Variants in INPP5A observed in about 807,000 individuals in gnomAD.
INPP5A encodes 43 kDa inositol polyphosphate 5-phophatase.
A neutral mutation model predicts 65.2 loss-of-function variants in INPP5A; 14 were observed. The ratio of observed to expected loss-of-function variants is 0.21; its 90% CI spans 0.14 to 0.34. The LOEUF (loss-of-function observed/expected upper bound fraction) is 0.34. Among genes scored for constraint, INPP5A ranks in the 10% least tolerant of loss-of-function variants. The probability of loss-of-function intolerance (pLI) is 1.00; values close to 1 mark genes in which losing one functional copy is unlikely to be tolerated. For missense variants in INPP5A, 431 were observed against 545.6 expected (o/e 0.79, Z 2.09); for synonymous variants, 207 against 208.3 (o/e 0.99, Z 0.05).
At chr10:132,734,459 T>C (rs1464277457) in intron 9 of INPP5A, among the ~76,000 whole-genome samples, 1 of 152,252 alleles carries the variant, frequency 6.6e-6, no homozygotes, top group Non-Finnish European at 1.5e-5. Flanking sequence ...CAGCATGGCC[T>C]GGGCAGAGTG....
In INPP5A at chr10:132,651,162, T is replaced by TGGACGCAGCCACCGACAGAAGGCACC. The variant is rs1324229960; in HGVS notation, c.306+657_306+658insGGACGCAGCCACCGACAGAAGGCACC. On this transcript the variant is annotated intron_variant, in intron 4 of 15. Transcript: ENST00000368594. This position sits in a 1 kb window ranked among gnomAD's most constrained non-coding sequence, Gnocchi z 5.0. Reference sequence around the variant, plus strand: ...CTCAGAGGAGGGGACACTCTGCAGGTCGTGAATAACTTGCTGTTGGTTCAG... The same window carrying TGGACGCAGCCACCGACAGAAGGCACC: ...CTCAGAGGAGGGGACACTCTGCAGGTGGACGCAGCCACCGACAGAAGGCACCCGTGAATAACTTGCTGTTGGTTCAG... 6.6e-6 allele frequency among the ~76,000 whole-genome samples: 1 copy of TGGACGCAGCCACCGACAGAAGGCACC among 152,164 alleles called. No individual in the cohort carries two copies. Among genetic ancestry groups the TGGACGCAGCCACCGACAGAAGGCACC allele is most frequent in the Non-Finnish European group, 1.5e-5 (1 of 68,014 alleles).
intron 1 of INPP5A, among the ~76,000 whole-genome samples, chr10:132,602,012 C>A (rs554670706): frequency 6.6e-6 from 1 of 152,248 alleles, no homozygotes; most frequent in South Asian, 2.1e-4. Flanking sequence ...AAAAGAAAGT[C>A]ATTGGGATTT....
intron 4 of INPP5A, among the ~76,000 whole-genome samples, chr10:132,652,011 T>C (rs907354289): frequency 6.6e-6 from 1 of 152,140 alleles, no homozygotes; most frequent in Non-Finnish European, 1.5e-5. Flanking sequence ...GCTCCTCCTG[T>C]CAGCCTTCCT....
chr10:132,546,419 C>G lies in INPP5A; in HGVS notation c.75+8248C>G, dbSNP rs944601417. Among the ~76,000 whole-genome samples the G allele has an allele frequency of 1.3e-5, 2 of 152,014 alleles. No individual in the cohort carries two copies. Among genetic ancestry groups the G allele is most frequent in the Non-Finnish European group, 2.9e-5 (2 of 68,008 alleles). On this transcript the variant is annotated intron_variant, in intron 1 of 15. Coordinates refer to ENST00000368594, the MANE Select transcript of INPP5A (RefSeq NM_005539.5). This position sits in a 1 kb window ranked among gnomAD's most constrained non-coding sequence, Gnocchi z 5.7. ...TCAGCCTGTTACTTGAACCCTGAGC[C>G]CCTGGTGGGTCTCGGTGACCTTGAG...
At chr10:132,543,290 C>A (rs2133242205) in intron 1 of INPP5A, among the ~76,000 whole-genome samples, 2 of 152,282 alleles carry the variant, frequency 1.3e-5, no homozygotes, top group Middle Eastern at 6.8e-3. Context: ...TGTGGATTTG[C>A]CTGTCCCGGG....
intron 2 of INPP5A, among the ~76,000 whole-genome samples, chr10:132,613,357 G>T (rs1590868686): frequency 6.6e-6 from 1 of 152,108 alleles, no homozygotes; most frequent in African/African-American, 2.4e-5. Flanking sequence ...GGCCCTGCTG[G>T]GCGGTTTGTG....
intron 1 of INPP5A, among the ~76,000 whole-genome samples, chr10:132,557,288 T>A (rs1564915051): frequency 6.6e-6 from 1 of 152,242 alleles, no homozygotes; most frequent in Non-Finnish European, 1.5e-5. Context: ...TGGGATTTGT[T>A]CCGGTTAGGC....
intron 11 of INPP5A, among the ~76,000 whole-genome samples, chr10:132,752,905 T>A (rs1331442436): frequency 6.6e-6 from 1 of 152,090 alleles, no homozygotes; most frequent in African/African-American, 2.4e-5. Context: ...TGGATTTGGT[T>A]CTGAATGAAA....
intron 1 of INPP5A, among the ~76,000 whole-genome samples, chr10:132,554,835 A>G (rs2071104946): frequency 7.1e-6 from 1 of 140,378 alleles, no homozygotes. Flanking sequence ...GTGTGGCATG[A>G]TCGGTGTGGG....
chr10:132,766,058 A>G (rs540440516), intron 12 of INPP5A, among the ~76,000 whole-genome samples: 2 of 152,046 alleles, frequency 1.3e-5, no homozygotes, highest in South Asian at 4.2e-4. Flanking sequence ...GTGTGAACGT[A>G]TGCGTCTGTG....
chr10:132,681,429 G>A (rs2073043080), intron 4 of INPP5A, among the ~76,000 whole-genome samples: 1 of 152,176 alleles, frequency 6.6e-6, no homozygotes, highest in Non-Finnish European at 1.5e-5. Flanking sequence ...GAGCCAGCGA[G>A]ACCACGAACC....
chr10:132,665,269 C>T (rs966993239), intron 4 of INPP5A, among the ~76,000 whole-genome samples: 6 of 152,318 alleles, frequency 3.9e-5, no homozygotes, highest in Non-Finnish European at 8.8e-5. Flanking sequence ...CTGGCTGACC[C>T]GTGGCCTTGA....
intron 11 of INPP5A, among the ~76,000 whole-genome samples, chr10:132,756,976 GA>G (rs1846633319): frequency 6.6e-6 from 1 of 152,084 alleles, no homozygotes; most frequent in Non-Finnish European, 1.5e-5. Flanking sequence ...TAAATATAAA[GA>G]ATAGGCAAAA....
chr10:132,583,636 C>T (rs1250668425), intron 1 of INPP5A, among the ~76,000 whole-genome samples: 2 of 152,158 alleles, frequency 1.3e-5, no homozygotes, highest in Non-Finnish European at 1.5e-5. Context: ...CGAGGAATGT[C>T]GAATGTGCTC....
Position 132,546,651 on chromosome 10 carries a change from G to A in INPP5A, c.75+8480G>A, listed in dbSNP as rs935791302. Reference sequence around the variant, plus strand: ...CTTCCCACTCTGGATTGTCCTGGGCGTCTCTGTGTGGGGTCTCCTGGCTCC... The same window carrying A: ...CTTCCCACTCTGGATTGTCCTGGGCATCTCTGTGTGGGGTCTCCTGGCTCC... On this transcript the variant is annotated intron_variant, in intron 1 of 15. Transcript: ENST00000368594. The surrounding 1 kb of genome is among the most constrained non-coding windows in gnomAD (Gnocchi z 5.7). Among the ~76,000 whole-genome samples the A allele has an allele frequency of 2.0e-4, 30 of 152,244 alleles. No homozygotes were observed. The highest frequency in any genetic ancestry group is 4.8e-4 in the African/African-American group (20 of 41,538).
intron 1 of INPP5A, among the ~76,000 whole-genome samples, chr10:132,539,824 GT>G (rs1354973317): frequency 2.6e-5 from 4 of 152,216 alleles, no homozygotes; most frequent in African/African-American, 7.2e-5. Context: ...TGGGTGAAGT[GT>G]TTGATGAAGC....
rs888176297 is a variant in INPP5A at position 132,659,926 on chromosome 10, T to C, written c.306+9421T>C. Among the ~76,000 whole-genome samples the C allele has an allele frequency of 1.3e-5, 2 of 152,210 alleles. No individual in the cohort carries two copies. The highest frequency in any genetic ancestry group is 4.8e-5 in the African/African-American group (2 of 41,462). ...AGCCTGCAGCTCCTGACACATGACA[T>C]GTGACATACAACACATGACACGCGG... On this transcript the variant is annotated intron_variant, in intron 4 of 15. Transcript: ENST00000368594. The surrounding 1 kb of genome is among the most constrained non-coding windows in gnomAD (Gnocchi z 5.5).
intron 9 of INPP5A, among the ~76,000 whole-genome samples, chr10:132,742,618 A>C (rs1590974857): frequency 6.6e-6 from 1 of 152,200 alleles, no homozygotes; most frequent in Admixed American, 6.5e-5. Context: ...TCTTCAGGGA[A>C]GTCTTGGAGA....
intron 5 of INPP5A, among the ~76,000 whole-genome samples, chr10:132,693,235 G>C (rs1338560663): frequency 2.6e-5 from 4 of 152,300 alleles, no homozygotes; most frequent in African/African-American, 9.6e-5. Context: ...AGAGAAGGCA[G>C]ATAAAGAATG....
Sources: allele counts gnomAD v4.1 joint callset (sites outside exome capture counted in the v4.1 genomes callset), GRCh38; gene constraint gnomAD v4.1.1; non-coding constraint Gnocchi (gnomAD v3.1); transcripts MANE v1.5; gene names NCBI Gene and HGNC (gene_info 2026-07-23, HGNC 2026-07-21).